Variants in FKBP5 observed in about 807,000 individuals in gnomAD.
FKBP5 encodes the protein peptidyl-prolyl cis-trans isomerase FKBP5.
A neutral mutation model predicts 50.5 loss-of-function variants in FKBP5; 23 were observed. That is an observed-to-expected ratio of 0.46 (90% CI 0.33 to 0.65). The LOEUF (loss-of-function observed/expected upper bound fraction) is 0.65. Among genes scored for constraint, FKBP5 ranks in the 30% least tolerant of loss-of-function variants. The probability of loss-of-function intolerance (pLI) is 0.02; values close to 1 mark genes in which losing one functional copy is unlikely to be tolerated. For missense variants in FKBP5, 411 were observed against 553.1 expected, an observed-to-expected ratio of 0.74 and a Z score of 2.58; for synonymous variants, 176 against 190.6, an observed-to-expected ratio of 0.92 and a Z score of 0.63.
chr6:35,582,675 A>G, intron 8 of FKBP5: 2 of 985,366 alleles, frequency 2.0e-6, no homozygotes, highest in Non-Finnish European at 2.4e-6. Context: ...GCCCAAGCTA[A>G]GACAATACTT....
chr6:35,588,011 T>TTTATTA (rs894880538), intron 7 of FKBP5, among the ~76,000 whole-genome samples: 8 of 150,612 alleles, frequency 5.3e-5, no homozygotes, highest in Non-Finnish European at 1.2e-4. Context: ...ATCCTCTACT[T>TTTATTA]TTATTATTAT....
At chr6:35,705,983 A>G (rs1330671375) in intron 2 of FKBP5, among the ~76,000 whole-genome samples, 4 of 152,106 alleles carry the variant, frequency 2.6e-5, no homozygotes, top group African/African-American at 9.7e-5. Context: ...GGTGGCTTGC[A>G]CCTGTAATCC....
In FKBP5 at chr6:35,642,853, A is replaced by C. The variant is rs1320529771; in HGVS notation, c.-19-10T>G. On this transcript the variant is annotated splice_polypyrimidine_tract_variant and intron_variant, in intron 1 of 10. Coordinates refer to ENST00000357266, the MANE Select transcript of FKBP5 (RefSeq NM_004117.4). ...CTTTTAAGTAGAGAACCTGGTAAGA[A>C]GAAAAATATTTTAGCTGGGAAAAAT... 6.3e-7 allele frequency: 1 copy of C among 1,582,228 alleles called. No homozygotes were observed. The highest frequency in any genetic ancestry group is 1.1e-5 in the South Asian group (1 of 89,174).
intron 9 of FKBP5, among the ~76,000 whole-genome samples, chr6:35,578,638 G>A (rs1017296739): frequency 4.0e-5 from 6 of 151,820 alleles, no homozygotes; most frequent in Non-Finnish European, 8.8e-5. Flanking sequence ...TGTGGTGGTC[G>A]GCACCTGTGG....
rs1184857195 is a variant in FKBP5, at chr6:35,575,025, C to T, written c.*810G>A. 6.6e-6 allele frequency: 1 copy of T among 152,228 alleles called. No individual in the cohort carries two copies. The highest frequency in any genetic ancestry group is 1.9e-4 in the East Asian group (1 of 5,196). The allele number at this position is 152,228 out of a possible 1,614,324, so 9.4% of individuals were successfully genotyped here. On this transcript the variant is annotated 3_prime_UTR_variant, in exon 11 of 11. Coordinates refer to ENST00000357266, the MANE Select transcript of FKBP5 (RefSeq NM_004117.4). ...GGAATAGAGGAGGGGAGAAAAAGCA[C>T]AATTCTGATTGCTCTTTTCACATTT...
At chr6:35,668,783 A>G (rs1381989368) in intron 1 of FKBP5, among the ~76,000 whole-genome samples, 1 of 152,174 alleles carries the variant, frequency 6.6e-6, no homozygotes, top group Non-Finnish European at 1.5e-5. Context: ...CACAATTTCC[A>G]TTTCTAAGAA....
Position 35,619,218 on chromosome 6 carries a change from G to GA in FKBP5, c.394-9dup, listed in dbSNP as rs758326179. On this transcript the variant is annotated splice_polypyrimidine_tract_variant and intron_variant, in intron 4 of 10. Coordinates refer to ENST00000357266, the MANE Select transcript of FKBP5 (RefSeq NM_004117.4). ...GAAATCAAGGAGCTCAATCTAGAAA[G>GA]AAAAAAGGAATTCAGCTGAGAAAAG... 1.9e-6 allele frequency: 3 copies of GA among 1,586,906 alleles called. No individual in the cohort carries two copies. In the South Asian group the frequency reaches 3.3e-5, roughly 18 times the overall value.
chr6:35,710,201 G>T (rs1766390044), intron 2 of FKBP5, among the ~76,000 whole-genome samples: 1 of 152,168 alleles, frequency 6.6e-6, no homozygotes. Context: ...ACATAGGGCT[G>T]GGCGCAGTGG....
chr6:35,706,900 A>G (rs1404810218), intron 2 of FKBP5, among the ~76,000 whole-genome samples: 1 of 152,234 alleles, frequency 6.6e-6, no homozygotes, highest in Non-Finnish European at 1.5e-5. Flanking sequence ...GTATGTATCT[A>G]TGTGCTTACA....
In FKBP5 at chr6:35,579,404, CTG is replaced by C. The variant is rs144681798; in HGVS notation, c.1026+630_1026+631del. ...CACAGTATAATATATACTGTTCACT[CTG>C]AGACCAGATACCTAAAATAGTATCG... On this transcript the variant is annotated intron_variant, in intron 9 of 10. Coordinates refer to ENST00000357266, the MANE Select transcript of FKBP5 (RefSeq NM_004117.4). Among the ~76,000 whole-genome samples the C allele has an allele frequency of 6.6e-5, 10 of 152,240 alleles. No individual in the cohort carries two copies. In the East Asian group the frequency reaches 1.9e-3, roughly 29 times the overall value.
chr6:35,656,718 G>T (rs1490421475), intron 1 of FKBP5, among the ~76,000 whole-genome samples: 1 of 151,960 alleles, frequency 6.6e-6, no homozygotes, highest in Non-Finnish European at 1.5e-5. Context: ...CCAACACAGT[G>T]AAAACCCATC....
chr6:35,719,160 T>A (rs1276411670), intron 2 of FKBP5, among the ~76,000 whole-genome samples: 1 of 152,242 alleles, frequency 6.6e-6, no homozygotes, highest in Non-Finnish European at 1.5e-5. Context: ...ACCTTCATTT[T>A]TTCCAGTTCC....
At chr6:35,581,928 A>G in intron 8 of FKBP5, 1 of 985,402 alleles carries the variant, frequency 1.0e-6, no homozygotes, top group Non-Finnish European at 1.2e-6. Flanking sequence ...TCCAACCCTC[A>G]CCCAAGGAGT....
intron 2 of FKBP5, among the ~76,000 whole-genome samples, chr6:35,701,619 A>G (rs1486004712): frequency 1.3e-5 from 2 of 152,096 alleles, no homozygotes; most frequent in Non-Finnish European, 2.9e-5. Flanking sequence ...AGCTCACTGC[A>G]GCCTCAACCT....
In FKBP5 at chr6:35,620,164, T is replaced by G. The variant is rs1763787500; in HGVS notation, c.361A>C (p.Lys121Gln). 6.2e-7 allele frequency: 1 copy of G among 1,614,056 alleles called. No homozygotes were observed. The highest frequency in any genetic ancestry group is 1.1e-5 in the South Asian group (1 of 91,080). ...YAYGSAGSLP[K>Q]IPSNATLFFE... is the part of the protein sequence containing the mutation. ...AAGAGAGTTGCATTCGAGGGAATTT[T>G]AGGGAGACTGCCAGCCGAGCCATAT... Residue 121 changes from lysine (K) to glutamine (Q), a missense_variant, in exon 4 of 11, where the codon AAA becomes CAA. By Grantham distance (53) the Lys-to-Gln change is moderately conservative. Around this residue, in one of 3 missense-constraint regions of FKBP5, gnomAD observed 267 missense variants for 405.9 expected, o/e 0.66. Transcript: ENST00000357266.
intron 2 of FKBP5, among the ~76,000 whole-genome samples, chr6:35,694,483 C>T (rs1766051929): frequency 6.6e-6 from 1 of 152,140 alleles, no homozygotes; most frequent in African/African-American, 2.4e-5. Context: ...CTCATGTCAC[C>T]ATATACCTGG....
rs79696146 is a variant in FKBP5, at chr6:35,709,515, A to G, written c.-20+10813T>C. On this transcript the variant is annotated intron_variant, in intron 2 of 11. Coordinates refer to the FKBP5 transcript ENST00000536438. ...TTTGAATTTTTCACCATGTGCAAAT[A>G]TAACTTATTCAAAAGTGAACTTTTA... 3.2e-4 allele frequency among the ~76,000 whole-genome samples: 49 copies of G among 152,360 alleles called. 1 individual carries two copies. In the East Asian group the frequency reaches 9.1e-3, roughly 28 times the overall value.
intron 3 of FKBP5, among the ~76,000 whole-genome samples, chr6:35,623,070 A>G (rs1237920199): frequency 1.3e-5 from 2 of 152,066 alleles, no homozygotes; most frequent in East Asian, 1.9e-4. Context: ...GTGAAACCCC[A>G]TCTCCACTAA....
chr6:35,693,132 G>T (rs1766021510), upstream of FKBP5, among the ~76,000 whole-genome samples: 1 of 140,850 alleles, frequency 7.1e-6, no homozygotes, highest in African/African-American at 2.6e-5. Context: ...AGCTCCATTT[G>T]GTTATTCTAT....
Sources: gnomAD v4.1 joint callset for allele counts (sites outside exome capture counted in the v4.1 genomes callset) on GRCh38, gnomAD v4.1.1 for gene constraint, gnomAD v4.1.1 regional missense constraint, MANE v1.5 for transcripts, NCBI Gene and HGNC (gene_info 2026-07-23, HGNC 2026-07-21) for gene names.